Variants in ZBTB20 observed in about 807,000 individuals in gnomAD.
The protein encoded by ZBTB20 is zinc finger and BTB domain containing 20, also known as zinc finger and BTB domain-containing protein 20.
Under a neutral mutation model 56.9 loss-of-function variants are expected in ZBTB20, and 9 were observed. That is an observed-to-expected ratio of 0.16 (90% CI 0.10 to 0.28). ZBTB20 has a LOEUF of 0.28. Ranked by LOEUF, ZBTB20 falls within the 10% of genes least tolerant of loss-of-function variation. The pLI, the probability that ZBTB20 is intolerant of heterozygous loss-of-function variation, is 1.00. For missense variants in ZBTB20, 655 were observed against 1,003.0 expected (o/e 0.65, Z 4.69); for synonymous variants, 417 against 420.7 (o/e 0.99, Z 0.11).
In ZBTB20 at chr3:114,498,416, G is replaced by T. The variant is rs117715290; in HGVS notation, c.-255+1936C>A. 9.3e-4 allele frequency among the ~76,000 whole-genome samples: 142 copies of T among 152,268 alleles called. 2 individuals are homozygous for T. In the East Asian group the frequency reaches 0.025, roughly 27 times the overall value. On this transcript the variant is annotated intron_variant, in intron 7 of 11. Coordinates refer to ENST00000675478, the MANE Select transcript of ZBTB20 (RefSeq NM_001348800.3). ...AAGAGGCACTTGGAGTCAAAGCACT[G>T]GGGAGATAATGTTCTGATCTGTTCT...
chr3:114,400,438 C>T (rs567533026), intron 7 of ZBTB20, among the ~76,000 whole-genome samples: 16 of 152,182 alleles, frequency 1.1e-4, no homozygotes, highest in East Asian at 3.9e-4. Context: ...GAAAGGGTCC[C>T]GAATGTGTGT....
At chr3:114,841,546 T>A (rs2074384748) in intron 4 of ZBTB20, among the ~76,000 whole-genome samples, 3 of 152,112 alleles carry the variant, frequency 2.0e-5, no homozygotes, top group Admixed American at 2.0e-4. Flanking sequence ...GTAGTTCTGA[T>A]ATGAAGAAGA....
chr3:114,615,967 C>T (rs567557740), intron 6 of ZBTB20, among the ~76,000 whole-genome samples: 18 of 152,278 alleles, frequency 1.2e-4, no homozygotes, highest in African/African-American at 2.4e-4. Context: ...GCAATGTACA[C>T]GGCCAGGAGA....
chr3:114,823,976 G>A (rs954652975), intron 4 of ZBTB20, among the ~76,000 whole-genome samples: 1 of 151,890 alleles, frequency 6.6e-6, no homozygotes, highest in Non-Finnish European at 1.5e-5. Flanking sequence ...ACATATTTAG[G>A]GGTGAATTTT....
chr3:114,814,833 C>T (rs77074929), intron 4 of ZBTB20, among the ~76,000 whole-genome samples: 5 of 152,192 alleles, frequency 3.3e-5, no homozygotes, highest in South Asian at 2.1e-4. Context: ...CAATAACCCA[C>T]GTTCCCTAGC....
intron 2 of ZBTB20, among the ~76,000 whole-genome samples, chr3:114,987,325 A>C (rs2078590583): frequency 6.6e-6 from 1 of 152,084 alleles, no homozygotes; most frequent in Non-Finnish European, 1.5e-5. Flanking sequence ...AAAATGCTTG[A>C]CCTTCCCAGG....
At chr3:114,547,146 G>A (rs916447563) in intron 6 of ZBTB20, among the ~76,000 whole-genome samples, 2 of 152,188 alleles carry the variant, frequency 1.3e-5, no homozygotes, top group African/African-American at 4.8e-5. Flanking sequence ...AGGCCAAGAA[G>A]GATAACTGGT....
intron 5 of ZBTB20, among the ~76,000 whole-genome samples, chr3:114,716,162 GCT>G (rs1156425737): frequency 1.3e-5 from 2 of 152,076 alleles, no homozygotes; most frequent in Non-Finnish European, 2.9e-5. Flanking sequence ...CACGGGAAAA[GCT>G]CTGTTTTCAG....
intron 4 of ZBTB20, among the ~76,000 whole-genome samples, chr3:114,812,109 T>C (rs1189801707): frequency 1.3e-5 from 2 of 152,120 alleles, no homozygotes; most frequent in African/African-American, 4.8e-5. Context: ...AGTAGCAAGA[T>C]TTATTGCAAA....
chr3:114,405,601 CAT>C (rs766676891), intron 7 of ZBTB20, among the ~76,000 whole-genome samples: 1 of 152,058 alleles, frequency 6.6e-6, no homozygotes, highest in African/African-American at 2.4e-5. Context: ...TATATACAAA[CAT>C]ATATATTTGT....
At chr3:114,379,506 A>G (rs147988755) in intron 10 of ZBTB20, among the ~76,000 whole-genome samples, 2,367 of 152,304 alleles carry the variant, frequency 0.016, 46 homozygotes, top group Middle Eastern at 0.031. Flanking sequence ...AGAAGAAGTG[A>G]CTCCCAGATT....
At chr3:115,007,736 T>C (rs1268964601) in intron 2 of ZBTB20, among the ~76,000 whole-genome samples, 1 of 151,872 alleles carries the variant, frequency 6.6e-6, no homozygotes, top group Non-Finnish European at 1.5e-5. Context: ...CTGTTTACAG[T>C]CCACTGAAAA....
At chr3:115,032,435 T>C (rs911555119) in intron 2 of ZBTB20, among the ~76,000 whole-genome samples, 17 of 151,434 alleles carry the variant, frequency 1.1e-4, no homozygotes, top group Non-Finnish European at 4.4e-5. Flanking sequence ...ACAAATTGAA[T>C]AAAATATTAT....
At chr3:114,518,875 T>C (rs192926531) in intron 6 of ZBTB20, 1 of 152,270 alleles carries the variant, frequency 6.6e-6, no homozygotes, top group Admixed American at 6.5e-5. Context: ...ATTTAGAGGG[T>C]AGATGCCAGG....
intron 6 of ZBTB20, among the ~76,000 whole-genome samples, chr3:114,669,003 A>T (rs557078778): frequency 6.6e-6 from 1 of 152,128 alleles, no homozygotes; most frequent in East Asian, 1.9e-4. Flanking sequence ...CAACAACAAA[A>T]CTGTAGTTGT....
intron 7 of ZBTB20, among the ~76,000 whole-genome samples, chr3:114,422,832 T>G (rs984787242): frequency 6.6e-6 from 1 of 152,158 alleles, no homozygotes; most frequent in African/African-American, 2.4e-5. Flanking sequence ...ATGGATGAGA[T>G]GAAATTATAT....
At chr3:114,922,624 T>C (rs2076002804) in intron 3 of ZBTB20, among the ~76,000 whole-genome samples, 1 of 152,212 alleles carries the variant, frequency 6.6e-6, no homozygotes, top group South Asian at 2.1e-4. Flanking sequence ...AAAAGTTTTT[T>C]TGGCTCATGG....
intron 5 of ZBTB20, among the ~76,000 whole-genome samples, chr3:114,773,252 T>C (rs545729770): frequency 1.2e-4 from 19 of 152,222 alleles, no homozygotes; most frequent in Non-Finnish European, 2.5e-4. Context: ...TCTAAACTTC[T>C]GATCTGCAGA....
At chr3:114,342,533 TG>T (rs1275202169) in intron 11 of ZBTB20, among the ~76,000 whole-genome samples, 1 of 152,244 alleles carries the variant, frequency 6.6e-6, no homozygotes, top group Non-Finnish European at 1.5e-5. Context: ...TCCATTTCCT[TG>T]GCTGAGTGAC....
Sources: gnomAD v4.1 joint callset for allele counts (sites outside exome capture counted in the v4.1 genomes callset) on GRCh38, gnomAD v4.1.1 for gene constraint, MANE v1.5 for transcripts, NCBI Gene and HGNC (gene_info 2026-07-23, HGNC 2026-07-21) for gene names.